NIPAL3: variants seen among roughly 807,000 people sequenced by gnomAD.
The protein encoded by NIPAL3 is NIPA like domain containing 3.
Under a neutral mutation model 47.2 loss-of-function variants are expected in NIPAL3, and 41 were observed. The observed-to-expected ratio is 0.87, with a 90% CI of 0.68 to 1.13. The LOEUF (loss-of-function observed/expected upper bound fraction) is 1.13. Among genes scored for constraint, NIPAL3 ranks in the 50% most tolerant of loss-of-function variants. NIPAL3 has a pLI of 0.00. For missense variants in NIPAL3, 449 were observed against 530.1 expected (o/e 0.85, Z 1.50); for synonymous variants, 194 against 209.6 (o/e 0.93, Z 0.64).
At position 24,449,366 on chromosome 1, in the gene NIPAL3, C is replaced by A; in HGVS notation, c.395-115C>A. Reference sequence around the variant, plus strand: ...AGTAAAGAAAAACCAAAAATACAAACAATACCAGGTCATGGTATGTTGCAG... The same window carrying A: ...AGTAAAGAAAAACCAAAAATACAAAAAATACCAGGTCATGGTATGTTGCAG... On this transcript the variant is annotated intron_variant, in intron 5 of 11. Coordinates refer to ENST00000374399, the MANE Select transcript of NIPAL3 (RefSeq NM_020448.5). The surrounding 1 kb of genome is among the most constrained non-coding windows in gnomAD (Gnocchi z 4.5). 1.9e-6 allele frequency: 2 copies of A among 1,050,892 alleles called. No homozygotes were observed. The highest frequency in any genetic ancestry group is 2.6e-6 in the Non-Finnish European group (2 of 763,706). The allele number at this position is 1,050,892 out of a possible 1,614,324, so 65.1% of individuals were successfully genotyped here. A position where few individuals can be genotyped will look rare whatever the true frequency, so the allele number is the denominator to read the frequency against.
Position 24,449,828 on chromosome 1 carries a change from G to T in NIPAL3, c.540+202G>T, listed in dbSNP as rs1265490942. Among the ~76,000 whole-genome samples, 4 of 152,130 alleles carry T rather than the reference G, an allele frequency of 2.6e-5. No homozygotes were observed. Among genetic ancestry groups the T allele is most frequent in the African/African-American group, 9.7e-5 (4 of 41,416 alleles). On this transcript the variant is annotated intron_variant, in intron 6 of 11. Transcript: ENST00000374399. The surrounding 1 kb of genome is among the most constrained non-coding windows in gnomAD (Gnocchi z 4.5). The stretch of plus-strand genomic sequence containing the variant: ...ATGTAATATCAAAACTCTACTGGTG[G>T]GAGTGTAAATTGGTACAGCCACTTG...
rs1224174355 is a variant in NIPAL3 at position 24,456,224 on chromosome 1, T to C, written c.724T>C (p.Phe242Leu). Residue 242 changes from phenylalanine to leucine, a missense_variant, in exon 8 of 12, where the codon TTC becomes CTC. Phe to Leu is a conservative substitution (Grantham distance 22). Coordinates refer to ENST00000374399, the MANE Select transcript of NIPAL3 (RefSeq NM_020448.5). The part of the protein sequence containing the change: ...QGNLQLDYPI[F>L]YVMFVCMVAT... ...GAACCTGCAGCTTGACTACCCCATC[T>C]TCTACGTGATGTTCGTGTGCATGGT... 2 of 1,614,224 alleles carry C rather than the reference T, an allele frequency of 1.2e-6. No homozygotes were observed. Among genetic ancestry groups the C allele is most frequent in the Middle Eastern group, 1.6e-4 (1 of 6,062 alleles).
intron 2 of NIPAL3, among the ~76,000 whole-genome samples, chr1:24,424,861 G>C (rs989080619): frequency 1.3e-5 from 2 of 152,172 alleles, no homozygotes; most frequent in Non-Finnish European, 2.9e-5. Flanking sequence ...TGGTCATGTG[G>C]GCTGGGCAGG....
At chr1:24,431,087 G>A (rs1644856145) in intron 2 of NIPAL3, among the ~76,000 whole-genome samples, 1 of 152,170 alleles carries the variant, frequency 6.6e-6, no homozygotes, top group Admixed American at 6.5e-5. Context: ...ACCAGACTCT[G>A]GCTTAGGAAT....
At chr1:24,462,257 C>T (rs1646504784) in intron 10 of NIPAL3, among the ~76,000 whole-genome samples, 1 of 152,182 alleles carries the variant, frequency 6.6e-6, no homozygotes, top group Non-Finnish European at 1.5e-5. Flanking sequence ...TCCCATGACA[C>T]ATGGGGATTG....
At chr1:24,466,838 C>T (rs11249118) in intron 11 of NIPAL3, among the ~76,000 whole-genome samples, 4,604 of 152,220 alleles carry the variant, frequency 0.03, 236 homozygotes, top group African/African-American at 0.1. Context: ...CCTCTTCTGC[C>T]CTCCCCCAAA....
At chr1:24,435,984 C>T (rs1645085714) in intron 2 of NIPAL3, among the ~76,000 whole-genome samples, 1 of 152,236 alleles carries the variant, frequency 6.6e-6, no homozygotes, top group South Asian at 2.1e-4. Context: ...CTTCCTCTCT[C>T]TGTCCTCACG....
intron 2 of NIPAL3, among the ~76,000 whole-genome samples, chr1:24,436,719 G>A (rs953216415): frequency 6.6e-5 from 10 of 151,684 alleles, no homozygotes; most frequent in Admixed American, 2.0e-4. Flanking sequence ...GACTGGTCTC[G>A]AACTCCTGAC....
rs532920141 is a variant in NIPAL3 at position 24,451,571 on chromosome 1, T to C, written c.541-1837T>C. On this transcript the variant is annotated intron_variant, in intron 6 of 11. Transcript: ENST00000374399. This position sits in a 1 kb window ranked among gnomAD's most constrained non-coding sequence, Gnocchi z 4.5. ...AGTAAAAATTAGCCAGGTGTGGTGA[T>C]GCATGCCTGTATTACCAGCTACTAA... Among the ~76,000 whole-genome samples, 209 of 152,040 alleles carry C rather than the reference T, an allele frequency of 1.4e-3. 1 individual carries two copies. The highest frequency in any genetic ancestry group is 0.014 in the Middle Eastern group (4 of 294).
Position 24,419,622 on chromosome 1 carries a change from G to A in NIPAL3, c.75G>A (p.Glu25=). The change falls in exon 2 of 12, where the codon GAG becomes GAA. Residue 25 remains glutamate (E), a synonymous_variant. Transcript: ENST00000374399. ...CAAGTAGCTCCAGCGCCGTAAGCGA[G>A]GCCTCCTTCTCCTACAAGGCAAGGG... ...PPTSSSSAVS[E]ASFSYKENLI... 6.2e-7 allele frequency: 1 copy of A among 1,614,036 alleles called. No homozygotes were observed. The highest frequency in any genetic ancestry group is 8.5e-7 in the Non-Finnish European group (1 of 1,179,984).
chr1:24,429,533 A>G (rs780452968), intron 2 of NIPAL3, among the ~76,000 whole-genome samples: 4 of 152,078 alleles, frequency 2.6e-5, no homozygotes, highest in Admixed American at 6.5e-5. Flanking sequence ...TTTCCATTCT[A>G]TTTCCCTCAC....
chr1:24,457,306 A>G (rs1027861261), intron 8 of NIPAL3, among the ~76,000 whole-genome samples: 1 of 152,244 alleles, frequency 6.6e-6, no homozygotes, highest in African/African-American at 2.4e-5. Context: ...GCCTGAGGGC[A>G]GGGCCTGTGT....
At chr1:24,438,414 G>T (rs1645224305) in intron 2 of NIPAL3, among the ~76,000 whole-genome samples, 1 of 152,192 alleles carries the variant, frequency 6.6e-6, no homozygotes, top group Non-Finnish European at 1.5e-5. Flanking sequence ...AGAAGTTAAG[G>T]ACAGCTATCC....
At chr1:24,415,720 T>C (rs1406962973), upstream of NIPAL3, 12 of 475,748 alleles carry the variant, frequency 2.5e-5, no homozygotes, top group Non-Finnish European at 3.0e-5. Context: ...GCGAAATGCC[T>C]GCCAACTTCT....
intron 3 of NIPAL3, among the ~76,000 whole-genome samples, chr1:24,440,937 G>A (rs1301104159): frequency 2.0e-5 from 3 of 152,126 alleles, no homozygotes; most frequent in Non-Finnish European, 2.9e-5. Context: ...AGTTGCCCAC[G>A]GGACTAATCC....
chr1:24,438,169 G>C (rs1645209724), intron 2 of NIPAL3, among the ~76,000 whole-genome samples: 1 of 152,172 alleles, frequency 6.6e-6, no homozygotes. Context: ...GGTCTCCAGC[G>C]AGCCTTTTAG....
intron 1 of NIPAL3, among the ~76,000 whole-genome samples, chr1:24,418,349 A>G (rs895922472): frequency 6.6e-6 from 1 of 152,166 alleles, no homozygotes; most frequent in Non-Finnish European, 1.5e-5. Context: ...TTTGGTAGCA[A>G]ATTTTGAGAA....
At chr1:24,446,694 C>G (rs9970379) in intron 5 of NIPAL3, among the ~76,000 whole-genome samples, 131 of 152,208 alleles carry the variant, frequency 8.6e-4, no homozygotes, top group African/African-American at 3.0e-3. Flanking sequence ...TAGGTTGATT[C>G]TATGTCTTTG....
chr1:24,449,653 CT>C lies in NIPAL3; in HGVS notation c.540+28del. 6.2e-7 allele frequency: 1 copy of C among 1,603,018 alleles called. No homozygotes were observed. The highest frequency in any genetic ancestry group is 8.5e-7 in the Non-Finnish European group (1 of 1,173,954). On this transcript the variant is annotated intron_variant, in intron 6 of 11. Transcript: ENST00000374399. This position sits in a 1 kb window ranked among gnomAD's most constrained non-coding sequence, Gnocchi z 4.5. ...TAAGAGAAGCCTCCAGTCGTTCCCC[CT>C]GAGATGGCAGGAGGGAGATCAAGTC...
Sources: allele counts gnomAD v4.1 joint callset (sites outside exome capture counted in the v4.1 genomes callset), GRCh38; gene constraint gnomAD v4.1.1; non-coding constraint Gnocchi (gnomAD v3.1); transcripts MANE v1.5; gene names NCBI Gene and HGNC (gene_info 2026-07-23, HGNC 2026-07-21).